SEPTIN11: variants seen among roughly 807,000 people sequenced by gnomAD.
The protein encoded by SEPTIN11 is septin-11.
SEPTIN11 carries 25 observed loss-of-function variants against 51.4 expected under a neutral mutation model. That is an observed-to-expected ratio of 0.49 (90% CI 0.35 to 0.68). The LOEUF is 0.68. SEPTIN11 is among the 30% of genes least tolerant of loss of function. SEPTIN11 has a pLI of 0.00. For synonymous variants in SEPTIN11, 174 were observed against 184.1 expected (o/e 0.95, Z 0.44); for missense variants, 381 against 520.8 (o/e 0.73, Z 2.61).
chr4:76,976,005 G>A (rs1205293375), intron 1 of SEPTIN11, among the ~76,000 whole-genome samples: 3 of 152,176 alleles, frequency 2.0e-5, no homozygotes, highest in Non-Finnish European at 2.9e-5. Flanking sequence ...GGAGAGTGAT[G>A]CCATCTCACA....
intron 3 of SEPTIN11, chr4:77,010,081 A>G (rs1479422290): frequency 1.3e-5 from 2 of 152,192 alleles, no homozygotes; most frequent in African/African-American, 4.8e-5. Context: ...AAATAGTTAT[A>G]TCTGACTTTT....
At chr4:77,015,957 T>C (rs1466452439) in intron 5 of SEPTIN11, among the ~76,000 whole-genome samples, 1 of 152,188 alleles carries the variant, frequency 6.6e-6, no homozygotes. Context: ...AGATACACCT[T>C]ACTTCTTGGG....
chr4:76,978,099 A>G (rs1722584934), intron 1 of SEPTIN11, among the ~76,000 whole-genome samples: 1 of 152,208 alleles, frequency 6.6e-6, no homozygotes, highest in Non-Finnish European at 1.5e-5. Flanking sequence ...TGCTCTTAGA[A>G]GAGTGTGAGA....
At chr4:77,039,725 A>T, downstream of SEPTIN11, 1 of 985,174 alleles carries the variant, frequency 1.0e-6, no homozygotes, top group Non-Finnish European at 1.2e-6. Flanking sequence ...CTATTGATAC[A>T]ATGTTTTTAT....
At chr4:76,978,409 G>A (rs1722602779) in intron 1 of SEPTIN11, among the ~76,000 whole-genome samples, 1 of 152,138 alleles carries the variant, frequency 6.6e-6, no homozygotes, top group African/African-American at 2.4e-5. Flanking sequence ...GTGCTTGGGT[G>A]GGCCACGCAT....
At chr4:77,003,722 G>A (rs550002665) in intron 2 of SEPTIN11, among the ~76,000 whole-genome samples, 1 of 152,308 alleles carries the variant, frequency 6.6e-6, no homozygotes, top group South Asian at 2.1e-4. Context: ...CTTCACTTTT[G>A]TATTATGTTA....
At chr4:77,034,291 CAT>C (rs1311716723) in intron 9 of SEPTIN11, among the ~76,000 whole-genome samples, 1 of 152,188 alleles carries the variant, frequency 6.6e-6, no homozygotes, top group African/African-American at 2.4e-5. Context: ...GGAAACTAAC[CAT>C]ATGTCTTTAA....
At chr4:76,977,357 C>T (rs772026551) in intron 1 of SEPTIN11, among the ~76,000 whole-genome samples, 4 of 152,012 alleles carry the variant, frequency 2.6e-5, no homozygotes, top group African/African-American at 4.8e-5. Flanking sequence ...AACATTTGTT[C>T]CAAATTGCAA....
At chr4:77,016,633 C>CATATATATATATATACACAT (rs1725291133) in intron 5 of SEPTIN11, among the ~76,000 whole-genome samples, 3 of 72,746 alleles carry the variant, frequency 4.1e-5, no homozygotes, top group African/African-American at 1.6e-4. Context: ...TATATATACA[C>CATATATATATATATACACAT]ATATATATAT....
In SEPTIN11 at chr4:77,028,102, C is replaced by T. The variant is rs149506300; in HGVS notation, c.954-527C>T. On this transcript the variant is annotated intron_variant, in intron 7 of 9. Transcript: ENST00000264893. ...ATTTACTGGGCACTGACTATATGTT[C>T]GATGTTTTATTCCCTTCCCCTCATT... Among the ~76,000 whole-genome samples the T allele has an allele frequency of 7.0e-4, 106 of 152,196 alleles. 1 individual carries two copies. The East Asian group carries it at 0.02, about 28-fold the overall frequency.
Position 77,035,187 on chromosome 4 carries a change from A to G in SEPTIN11, c.*675A>G. The G allele has an allele frequency of 1.0e-6, 1 of 985,454 alleles. No individual in the cohort carries two copies. The highest frequency in any genetic ancestry group is 1.2e-6 in the Non-Finnish European group (1 of 829,960). 61.0% of individuals were successfully genotyped at this position (985,454 alleles called of 1,614,324 possible). ...CCTGGCCAAGTTGGAGTAGACTGGT[A>G]TGAGAAAACTATGATTAGTTCACAT... On this transcript the variant is annotated 3_prime_UTR_variant, in exon 10 of 10. Transcript: ENST00000264893.
At chr4:77,008,702 T>C (rs960886055) in intron 3 of SEPTIN11, among the ~76,000 whole-genome samples, 1 of 152,080 alleles carries the variant, frequency 6.6e-6, no homozygotes, top group African/African-American at 2.4e-5. Context: ...GTTTTATGGC[T>C]GGAGGTATAT....
intron 1 of SEPTIN11, chr4:76,995,731 C>A: frequency 7.2e-7 from 1 of 1,386,720 alleles, no homozygotes; most frequent in Non-Finnish European, 9.4e-7. Context: ...CTTTAGCTTC[C>A]AGCCATATCC....
intron 1 of SEPTIN11, among the ~76,000 whole-genome samples, chr4:76,981,741 T>C (rs1422839402): frequency 6.7e-5 from 3 of 44,516 alleles, no homozygotes; most frequent in African/African-American, 1.7e-4. Flanking sequence ...CTGCAAGATA[T>C]GCATTTTTTT....
chr4:76,953,092 G>C lies in SEPTIN11; in HGVS notation c.27+3162G>C, dbSNP rs1045614427. Among the ~76,000 whole-genome samples the C allele has an allele frequency of 3.9e-5, 6 of 152,316 alleles. No individual in the cohort carries two copies. In the South Asian group the frequency reaches 1.2e-3, roughly 32 times the overall value. On this transcript the variant is annotated intron_variant, in intron 1 of 9. Transcript: ENST00000264893. ...AAAAATATGTGTTTAAACTTCACTG[G>C]TGGTGGAGATTTCCCTATGATATCC...
At chr4:76,986,872 T>C (rs1221535192) in intron 1 of SEPTIN11, among the ~76,000 whole-genome samples, 5 of 152,208 alleles carry the variant, frequency 3.3e-5, no homozygotes, top group African/African-American at 9.6e-5. Flanking sequence ...TTTTTTCTTT[T>C]GTAATAATTC....
At chr4:76,987,009 G>A (rs956361984) in intron 1 of SEPTIN11, among the ~76,000 whole-genome samples, 4 of 152,188 alleles carry the variant, frequency 2.6e-5, no homozygotes, top group African/African-American at 9.7e-5. Flanking sequence ...CCTCTACTGG[G>A]AGTCTTCTGG....
rs1386042614 is a variant in SEPTIN11, at chr4:77,016,336, G to T, written c.687+1319G>T. Among the ~76,000 whole-genome samples the T allele has an allele frequency of 4.0e-5, 6 of 151,330 alleles. No homozygotes were observed. In the East Asian group the frequency reaches 1.2e-3, roughly 29 times the overall value. The stretch of plus-strand genomic sequence containing the variant: ...AGGTAGAATTGGAACCCAGGCTTTG[G>T]CTGTCAGGCTACACTCTCACCCTGT... On this transcript the variant is annotated intron_variant, in intron 5 of 9. Coordinates refer to ENST00000264893, the MANE Select transcript of SEPTIN11 (RefSeq NM_018243.4).
intron 1 of SEPTIN11, among the ~76,000 whole-genome samples, chr4:76,975,469 A>G (rs185052943): frequency 1.6e-4 from 25 of 152,328 alleles, no homozygotes; most frequent in Non-Finnish European, 4.4e-5. Context: ...TTAAAATAAC[A>G]ATAATAAACT....
Sources: allele counts gnomAD v4.1 joint callset (sites outside exome capture counted in the v4.1 genomes callset), GRCh38; gene constraint gnomAD v4.1.1; transcripts MANE v1.5; gene names NCBI Gene and HGNC (gene_info 2026-07-23, HGNC 2026-07-21).